The following RCOR3 variants were observed in gnomAD, a reference collection of about 807,000 sequenced individuals.
The protein encoded by RCOR3 is REST corepressor 3.
RCOR3 carries 13 observed loss-of-function variants against 64.1 expected under a neutral mutation model. The observed-to-expected ratio is 0.20, with a 90% CI of 0.13 to 0.32. The LOEUF is 0.32. Among genes scored for constraint, RCOR3 ranks in the 10% least tolerant of loss-of-function variants. The probability of loss-of-function intolerance (pLI) is 1.00; values close to 1 mark genes in which losing one functional copy is unlikely to be tolerated. For synonymous variants in RCOR3, 215 were observed against 239.0 expected (o/e 0.90, Z 0.93); for missense variants, 489 against 701.2 (o/e 0.70, Z 3.42).
At chr1:211,300,077 T>C (rs1700224544) in intron 9 of RCOR3, among the ~76,000 whole-genome samples, 2 of 146,880 alleles carry the variant, frequency 1.4e-5, no homozygotes, top group Non-Finnish European at 3.0e-5. Flanking sequence ...CTTTCTTTTT[T>C]TTTTTTTTTT....
At chr1:211,299,440 G>A (rs528961131) in intron 9 of RCOR3, among the ~76,000 whole-genome samples, 80 of 152,276 alleles carry the variant, frequency 5.3e-4, no homozygotes, top group African/African-American at 1.9e-3. Flanking sequence ...AAAAAAGAGT[G>A]CTTTTTGAAG....
chr1:211,276,831 T>A (rs4548506), intron 5 of RCOR3, among the ~76,000 whole-genome samples: 145,486 of 152,146 alleles, frequency 0.96, 69,626 homozygotes, highest in East Asian at 1. Flanking sequence ...CTCACGCCTG[T>A]AATCCAGCAC....
At chr1:211,259,877 C>T in intron 1 of RCOR3, 151 bp downstream of exon 1, 1 of 1,076,366 alleles carries the variant, frequency 9.3e-7, no homozygotes, top group Non-Finnish European at 1.3e-6. Flanking sequence ...TGCAGCAGCA[C>T]CCCCGCGACC....
intron 2 of RCOR3, among the ~76,000 whole-genome samples, chr1:211,266,290 C>G (rs957013418): frequency 1.3e-5 from 2 of 152,008 alleles, no homozygotes; most frequent in African/African-American, 2.4e-5. Context: ...ATATTTGTTC[C>G]ATGATCTTCG....
At chr1:211,285,456 A>G (rs1053623831) in intron 7 of RCOR3, among the ~76,000 whole-genome samples, 1 of 152,214 alleles carries the variant, frequency 6.6e-6, no homozygotes, top group Non-Finnish European at 1.5e-5. Flanking sequence ...ACTAAGTGGA[A>G]ACTACTCAGC....
chr1:211,285,418 T>A (rs759756887), intron 7 of RCOR3, among the ~76,000 whole-genome samples: 2 of 152,224 alleles, frequency 1.3e-5, no homozygotes, highest in Admixed American at 6.5e-5. Context: ...AATGGCTGGT[T>A]TCCTCCAACG....
At chr1:211,290,125 T>G (rs1231012381) in intron 8 of RCOR3, among the ~76,000 whole-genome samples, 2 of 152,220 alleles carry the variant, frequency 1.3e-5, no homozygotes. Flanking sequence ...TTTGTCTGTT[T>G]TGTTATTTTT....
chr1:211,264,806 A>G (rs1282285710), intron 2 of RCOR3, among the ~76,000 whole-genome samples: 1 of 152,226 alleles, frequency 6.6e-6, no homozygotes, highest in African/African-American at 2.4e-5. Flanking sequence ...ACCATTGATA[A>G]TAATGTCTTT....
rs780946230 is a variant in RCOR3 at position 211,259,616 on chromosome 1, A to G, written c.56A>G (p.Asn19Ser). 6.5e-6 allele frequency: 10 copies of G among 1,547,670 alleles called. No homozygotes were observed. The South Asian group carries it at 8.3e-5, about 13-fold the overall frequency. The part of the protein sequence containing the change: ...PELLGKNRSA[N>S]GSAKSPAGGG... ...TTACTGGGGAAGAACCGATCGGCCA[A>G]CGGCAGCGCCAAGAGCCCGGCAGGC... The change falls in exon 1 of 12, where the codon AAC (asparagine) becomes AGC (serine). Residue 19 changes from asparagine (N) to serine (S), a missense_variant. By Grantham distance (46) the Asn-to-Ser change is conservative. Coordinates refer to ENST00000419091, the MANE Select transcript of RCOR3 (RefSeq NM_001136223.3).
At chr1:211,271,637 G>A (rs1558052901) in intron 3 of RCOR3, 1 of 462,268 alleles carries the variant, frequency 2.2e-6, no homozygotes, top group Non-Finnish European at 4.2e-6. Flanking sequence ...CTCAGTATAT[G>A]GAGCGGTAAA....
chr1:211,270,856 A>G (rs998828177), intron 2 of RCOR3, among the ~76,000 whole-genome samples: 1 of 148,756 alleles, frequency 6.7e-6, no homozygotes, highest in Non-Finnish European at 1.5e-5. Flanking sequence ...AATAAAGCTT[A>G]CTTTTTTTTT....
chr1:211,312,772 C>A lies in RCOR3; in HGVS notation c.1128C>A (p.Asn376Lys). Residue 376 changes from asparagine (N) to lysine (K), a missense_variant, in exon 11 of 12, where the codon AAC becomes AAA. Physicochemically the swap from Asn to Lys is moderately conservative, Grantham distance 94. Around this residue, in one of 2 missense-constraint regions of RCOR3, gnomAD observed 402 missense variants for 617.0 expected, o/e 0.65. Coordinates refer to ENST00000419091, the MANE Select transcript of RCOR3 (RefSeq NM_001136223.3). This position sits in a 1 kb window ranked among gnomAD's most constrained non-coding sequence, Gnocchi z 5.0. ...DFQAIADVIG[N>K]KTVGQVKNFF... The stretch of plus-strand genomic sequence containing the variant: ...AAGCTATTGCAGATGTAATTGGCAA[C>A]AAGACTGTTGGCCAAGTGAAGAACT... 2 of 1,614,192 alleles carry A rather than the reference C, an allele frequency of 1.2e-6. No individual in the cohort carries two copies. Among genetic ancestry groups the A allele is most frequent in the Non-Finnish European group, 8.5e-7 (1 of 1,180,044 alleles).
chr1:211,261,913 G>A (rs1694341534), intron 2 of RCOR3, among the ~76,000 whole-genome samples: 2 of 28,700 alleles, frequency 7.0e-5, no homozygotes, highest in African/African-American at 1.2e-4. Context: ...AACAGAGTGA[G>A]ACTCCATCTC....
chr1:211,295,262 G>A (rs1699748214), intron 8 of RCOR3, among the ~76,000 whole-genome samples: 1 of 151,860 alleles, frequency 6.6e-6, no homozygotes, highest in East Asian at 1.9e-4. Flanking sequence ...TACATATAAA[G>A]GACTGAGAAT....
At chr1:211,301,297 A>G (rs966263291) in intron 9 of RCOR3, among the ~76,000 whole-genome samples, 1 of 152,042 alleles carries the variant, frequency 6.6e-6, no homozygotes, top group Non-Finnish European at 1.5e-5. Flanking sequence ...ATTAAATCTT[A>G]ACCTCACCTT....
Position 211,315,186 on chromosome 1 carries a change from A to G in RCOR3, c.*1418A>G, listed in dbSNP as rs1701801490. ...ATCACTTAGATTGCTATACTAGTGG[A>G]CATAGGCTACATGTTTGCACATTCA... On this transcript the variant is annotated 3_prime_UTR_variant, in exon 12 of 12. Transcript: ENST00000419091. 6.6e-6 allele frequency: 1 copy of G among 152,226 alleles called. No individual in the cohort carries two copies. Among genetic ancestry groups the G allele is most frequent in the African/African-American group, 2.4e-5 (1 of 41,460 alleles). 9.4% of individuals were successfully genotyped at this position (152,226 alleles called of 1,614,324 possible).
chr1:211,269,824 A>G (rs992371714), intron 2 of RCOR3, among the ~76,000 whole-genome samples: 2 of 151,826 alleles, frequency 1.3e-5, no homozygotes, highest in African/African-American at 2.4e-5. Flanking sequence ...TCTAGGCTAT[A>G]AAATATTAGA....
chr1:211,269,331 C>CG (rs1257553836), intron 2 of RCOR3, among the ~76,000 whole-genome samples: 3 of 152,100 alleles, frequency 2.0e-5, no homozygotes, highest in African/African-American at 7.2e-5. Context: ...AGCATGGTGG[C>CG]GTGTTCCTGT....
rs1222453046 is a variant in RCOR3, at chr1:211,315,990, TAATC to T, written c.*2225_*2228del. On this transcript the variant is annotated 3_prime_UTR_variant, in exon 12 of 12. Transcript: ENST00000419091. ...CTGGAAGAGTGATATGCTTGCTGCT[TAATC>T]AAAGGATTAAAGATTTAAAGATGTC... is the stretch of plus-strand genomic sequence containing the variant. The T allele has an allele frequency of 2.0e-5, 3 of 152,244 alleles. No homozygotes were observed. The highest frequency in any genetic ancestry group is 4.4e-5 in the Non-Finnish European group (3 of 68,042). The allele number at this position is 152,244 out of a possible 1,614,324, so 9.4% of individuals were successfully genotyped here.
Sources: allele counts gnomAD v4.1 joint callset (sites outside exome capture counted in the v4.1 genomes callset), GRCh38; gene constraint gnomAD v4.1.1; regional missense constraint gnomAD v4.1.1; non-coding constraint Gnocchi (gnomAD v3.1); transcripts MANE v1.5; gene names NCBI Gene and HGNC (gene_info 2026-07-23, HGNC 2026-07-21).